Variants in CRPPA observed in about 807,000 individuals in gnomAD.
The protein encoded by CRPPA is D-ribitol-5-phosphate cytidylyltransferase.
A neutral mutation model predicts 52.0 loss-of-function variants in CRPPA; 43 were observed. That is an observed-to-expected ratio of 0.83 (90% CI 0.65 to 1.07). The LOEUF is 1.07. CRPPA is among the 50% of genes least tolerant of loss of function. The pLI is 0.00. For missense variants in CRPPA, 629 were observed against 551.7 expected (o/e 1.14, Z -1.40); for synonymous variants, 250 against 203.5 (o/e 1.23, Z -1.94).
At chr7:16,312,668 C>T (rs1785059201) in intron 3 of CRPPA, among the ~76,000 whole-genome samples, 1 of 151,938 alleles carries the variant, frequency 6.6e-6, no homozygotes, top group Non-Finnish European at 1.5e-5. Flanking sequence ...TTGTTCTTGA[C>T]CTTACCAGGA....
chr7:16,284,190 T>C (rs953855874), intron 5 of CRPPA, among the ~76,000 whole-genome samples: 5 of 152,074 alleles, frequency 3.3e-5, no homozygotes, highest in Non-Finnish European at 4.4e-5. Context: ...GTGTCAGGCA[T>C]TGTCCACTCA....
intron 8 of CRPPA, among the ~76,000 whole-genome samples, chr7:16,241,970 T>TTTG (rs1241010922): frequency 0.014 from 1,439 of 104,312 alleles, 106 homozygotes; most frequent in African/African-American, 0.035. Context: ...TTTTTTTTTG[T>TTTG]TGGGGGGAGA....
intron 3 of CRPPA, among the ~76,000 whole-genome samples, chr7:16,339,999 T>A (rs2107591): frequency 0.091 from 13,912 of 152,078 alleles, 1,013 homozygotes; most frequent in African/African-American, 0.2. Context: ...AACAATATAA[T>A]AAAGCAAAGA....
At chr7:16,159,537 C>G (rs1278878666) in intron 9 of CRPPA, among the ~76,000 whole-genome samples, 1 of 152,182 alleles carries the variant, frequency 6.6e-6, no homozygotes, top group African/African-American at 2.4e-5. Context: ...AGGACATGAA[C>G]TCATTCCTTT....
intron 8 of CRPPA, among the ~76,000 whole-genome samples, chr7:16,226,000 A>G (rs532229012): frequency 2.6e-5 from 4 of 152,034 alleles, no homozygotes; most frequent in African/African-American, 9.6e-5. Flanking sequence ...AGATGCCTGT[A>G]AGGCAGGTAT....
At chr7:16,266,471 T>C (rs1419660573) in intron 6 of CRPPA, among the ~76,000 whole-genome samples, 1 of 140,664 alleles carries the variant, frequency 7.1e-6, no homozygotes, top group Non-Finnish European at 1.5e-5. Context: ...AGGCTCCCGT[T>C]TTTTGTTTTT....
intron 9 of CRPPA, among the ~76,000 whole-genome samples, chr7:16,199,584 CAAAAT>C (rs1222158072): frequency 2.0e-5 from 3 of 152,060 alleles, no homozygotes. Context: ...TTATTACCAT[CAAAAT>C]AAAATTCTCC....
rs981657258 is a variant in CRPPA at position 16,203,787 on chromosome 7, T to C, written c.1251+12279A>G. Among the ~76,000 whole-genome samples, 4 of 152,304 alleles carry C rather than the reference T, an allele frequency of 2.6e-5. No individual in the cohort carries two copies. In the East Asian group the frequency reaches 7.7e-4, roughly 29 times the overall value. ...ACTGATAAACCAATTAGCTCATCAA[T>C]TAATTCAATTGGCTTAAAAACCACT... is the stretch of plus-strand genomic sequence containing the variant. On this transcript the variant is annotated intron_variant, in intron 9 of 9. Transcript: ENST00000407010.
intron 9 of CRPPA, among the ~76,000 whole-genome samples, chr7:16,139,031 A>G (rs1391908759): frequency 6.6e-6 from 1 of 151,834 alleles, no homozygotes; most frequent in Non-Finnish European, 1.5e-5. Flanking sequence ...CAAACTCCTG[A>G]CCTCAAGTGA....
At chr7:16,199,428 G>C (rs6947755) in intron 9 of CRPPA, among the ~76,000 whole-genome samples, 34,244 of 151,980 alleles carry the variant, frequency 0.23, 4,772 homozygotes, top group South Asian at 0.43. Context: ...AAAAAAATCT[G>C]TATCAAAGAA....
chr7:16,344,997 C>T (rs1785971693), intron 3 of CRPPA, among the ~76,000 whole-genome samples: 1 of 152,044 alleles, frequency 6.6e-6, no homozygotes, highest in African/African-American at 2.4e-5. Context: ...ATCTACATAT[C>T]CAAGAAGCTC....
intron 1 of CRPPA, among the ~76,000 whole-genome samples, chr7:16,414,248 C>G (rs1241955043): frequency 6.6e-6 from 1 of 152,024 alleles, no homozygotes; most frequent in Non-Finnish European, 1.5e-5. Flanking sequence ...ATCACCAAGT[C>G]TGAATAAGCA....
At chr7:16,221,773 G>A (rs944412280) in intron 8 of CRPPA, among the ~76,000 whole-genome samples, 31 of 151,396 alleles carry the variant, frequency 2.0e-4, no homozygotes, top group East Asian at 7.8e-4. Context: ...TTAGAATGGC[G>A]ATCATTAAAA....
In CRPPA at chr7:16,401,571, T is replaced by C. The variant is rs149649219; in HGVS notation, c.534+4490A>G. On this transcript the variant is annotated intron_variant, in intron 2 of 9. Transcript: ENST00000407010. ...CCACCAGGAGCAATACTTAGGAGGT[T>C]GCTTTGTTGATGCAGTCTCATTTGA... Among the ~76,000 whole-genome samples the C allele has an allele frequency of 2.6e-5, 4 of 152,342 alleles. No homozygotes were observed. The East Asian group carries it at 7.7e-4, about 29-fold the overall frequency.
At chr7:16,359,509 C>A (rs1786388213) in intron 3 of CRPPA, among the ~76,000 whole-genome samples, 1 of 152,136 alleles carries the variant, frequency 6.6e-6, no homozygotes. Context: ...ATGTCTAATT[C>A]TTTACTGTCC....
chr7:16,368,446 A>T (rs12671637), intron 3 of CRPPA, among the ~76,000 whole-genome samples: 21 of 152,290 alleles, frequency 1.4e-4, no homozygotes, highest in African/African-American at 5.1e-4. Context: ...GAAAACAAAC[A>T]CATACGAATT....
At chr7:16,308,458 A>G (rs769807918) in intron 4 of CRPPA, 65 bp downstream of exon 4, 9 of 863,632 alleles carry the variant, frequency 1.0e-5, no homozygotes, top group Non-Finnish European at 1.7e-5. Flanking sequence ...CTGGTTTTAA[A>G]TGTACACACA....
At position 16,414,802 on chromosome 7, in the gene CRPPA, C is replaced by A. The variant is rs146173373; in HGVS notation, c.257+6264G>T. ...AAATCCTAGGAACATTTTTAATCAA[C>A]TTCTGAAAGGGTCTAGTTCCCAGCA... On this transcript the variant is annotated intron_variant, in intron 1 of 9. Transcript: ENST00000407010. 3.9e-5 allele frequency among the ~76,000 whole-genome samples: 6 copies of A among 152,294 alleles called. No homozygotes were observed. In the East Asian group the frequency reaches 1.2e-3, roughly 29 times the overall value.
rs886062162 is a variant in CRPPA, at chr7:16,090,928, A to G, written c.*767T>C. 20 of 152,222 alleles carry G rather than the reference A, an allele frequency of 1.3e-4. No homozygotes were observed. The highest frequency in any genetic ancestry group is 4.3e-4 in the African/African-American group (18 of 41,454). The allele number at this position is 152,222 out of a possible 1,614,324, so 9.4% of individuals were successfully genotyped here. A position where few individuals can be genotyped will look rare whatever the true frequency, so the allele number is the denominator to read the frequency against. On this transcript the variant is annotated 3_prime_UTR_variant, in exon 10 of 10. Transcript: ENST00000407010. The stretch of plus-strand genomic sequence containing the variant: ...AACTAATTTAACTCTATGATGTACA[A>G]TAGATTCTCTACCTTATAGAAGATA...
Sources: gnomAD v4.1 joint callset for allele counts (sites outside exome capture counted in the v4.1 genomes callset) on GRCh38, gnomAD v4.1.1 for gene constraint, MANE v1.5 for transcripts, NCBI Gene and HGNC (gene_info 2026-07-23, HGNC 2026-07-21) for gene names.